The following SNTB1 variants were observed in gnomAD, a reference collection of about 807,000 sequenced individuals.
SNTB1 encodes beta-1-syntrophin.
SNTB1 carries 36 observed loss-of-function variants against 48.9 expected under a neutral mutation model. The observed-to-expected ratio is 0.74, with a 90% CI of 0.56 to 0.97. SNTB1 has a LOEUF of 0.97. Among genes scored for constraint, SNTB1 ranks in the 50% least tolerant of loss-of-function variants. SNTB1 has a pLI of 0.00. For synonymous variants in SNTB1, 299 were observed against 294.6 expected, an observed-to-expected ratio of 1.01 and a Z score of -0.15; for missense variants, 786 against 703.4, an observed-to-expected ratio of 1.12 and a Z score of -1.33.
chr8:120,811,148 A>T (rs1346054234), intron 1 of SNTB1, 125 bp downstream of exon 1: 32 of 1,267,958 alleles, frequency 2.5e-5, no homozygotes, highest in Non-Finnish European at 3.1e-5. Context: ...CCCCCAACAC[A>T]CACACACCCG....
chr8:120,635,150 G>C (rs1378073637), intron 2 of SNTB1, among the ~76,000 whole-genome samples: 1 of 152,094 alleles, frequency 6.6e-6, no homozygotes, highest in African/African-American at 2.4e-5. Context: ...GAATTCTTTA[G>C]GTGACAACTG....
At chr8:120,719,705 T>C (rs1818623821) in intron 1 of SNTB1, among the ~76,000 whole-genome samples, 1 of 152,016 alleles carries the variant, frequency 6.6e-6, no homozygotes. Context: ...GGTGGTTTAT[T>C]TGAGAGGTGA....
chr8:120,648,955 G>A (rs1309357151), intron 2 of SNTB1, among the ~76,000 whole-genome samples: 2 of 150,290 alleles, frequency 1.3e-5, no homozygotes, highest in South Asian at 2.1e-4. Context: ...CCAGTTGATC[G>A]CATCGGCTCC....
chr8:120,793,543 C>T (rs1447504018), intron 1 of SNTB1, among the ~76,000 whole-genome samples: 2 of 151,992 alleles, frequency 1.3e-5, no homozygotes, highest in Admixed American at 1.3e-4. Flanking sequence ...TATCAGGATA[C>T]AATCTATGAA....
At chr8:120,544,105 T>C in intron 5 of SNTB1, among the ~76,000 whole-genome samples, 1 of 152,170 alleles carries the variant, frequency 6.6e-6, no homozygotes, top group East Asian at 1.9e-4. Flanking sequence ...TTGATACTCT[T>C]CATTTCTACA....
At chr8:120,719,743 G>A (rs1186338667) in intron 1 of SNTB1, among the ~76,000 whole-genome samples, 1 of 152,144 alleles carries the variant, frequency 6.6e-6, no homozygotes, top group Non-Finnish European at 1.5e-5. Context: ...CAGGATGTAG[G>A]GAAAGAGAGA....
At chr8:120,687,928 G>A (rs1818059310) in intron 2 of SNTB1, among the ~76,000 whole-genome samples, 1 of 152,182 alleles carries the variant, frequency 6.6e-6, no homozygotes, top group African/African-American at 2.4e-5. Context: ...ATCTTCTGTG[G>A]CTGAAACTCA....
intron 3 of SNTB1, among the ~76,000 whole-genome samples, chr8:120,620,148 A>T (rs1458019756): frequency 6.6e-6 from 1 of 152,110 alleles, no homozygotes; most frequent in East Asian, 1.9e-4. Flanking sequence ...GCCTCTATAC[A>T]AACTCCATTC....
At chr8:120,781,435 A>G (rs1030254381) in intron 1 of SNTB1, among the ~76,000 whole-genome samples, 2 of 152,236 alleles carry the variant, frequency 1.3e-5, no homozygotes, top group African/African-American at 4.8e-5. Context: ...AAAAAGAACC[A>G]TGAAAACTAT....
At chr8:120,659,709 A>G (rs890538126) in intron 2 of SNTB1, among the ~76,000 whole-genome samples, 4 of 152,218 alleles carry the variant, frequency 2.6e-5, no homozygotes, top group Admixed American at 6.5e-5. Flanking sequence ...TATTTAAGAA[A>G]TATATCTGCC....
chr8:120,551,725 CAAAAAA>C lies in SNTB1; in HGVS notation c.1137-2773_1137-2768del, dbSNP rs764008790. On this transcript the variant is annotated intron_variant, in intron 4 of 6. Coordinates refer to ENST00000517992, the MANE Select transcript of SNTB1 (RefSeq NM_021021.4). ...TGAGCGACAGAGTGAGACTCCATCT[CAAAAAA>C]AAAAAAAAAAAAAAAAAAGTAAGGT... Among the ~76,000 whole-genome samples, 414 of 42,824 alleles carry C rather than the reference CAAAAAA, an allele frequency of 9.7e-3. 10 individuals carry two copies. In the East Asian group the frequency reaches 0.14, roughly 15 times the overall value. 28.1% of individuals were successfully genotyped at this position (42,824 alleles called of 152,430 possible).
intron 1 of SNTB1, among the ~76,000 whole-genome samples, chr8:120,701,095 G>A (rs890818592): frequency 6.6e-6 from 1 of 152,136 alleles, no homozygotes; most frequent in African/African-American, 2.4e-5. Flanking sequence ...AGTGGGAATT[G>A]CCAACAAAAT....
intron 2 of SNTB1, among the ~76,000 whole-genome samples, chr8:120,649,467 G>A (rs1273497746): frequency 7.0e-6 from 1 of 142,060 alleles, no homozygotes; most frequent in East Asian, 2.0e-4. Context: ...GTGCCTCCCA[G>A]TTAGGCTGCT....
chr8:120,604,915 T>C (rs1448650611), intron 3 of SNTB1, among the ~76,000 whole-genome samples: 1 of 152,230 alleles, frequency 6.6e-6, no homozygotes, highest in Non-Finnish European at 1.5e-5. Context: ...CTTCAAGCCA[T>C]TGATGTTTCA....
chr8:120,607,533 T>C (rs1316941809), intron 3 of SNTB1, among the ~76,000 whole-genome samples: 1 of 152,200 alleles, frequency 6.6e-6, no homozygotes, highest in Non-Finnish European at 1.5e-5. Flanking sequence ...ATTAGGTATA[T>C]CTTCTAATGT....
At chr8:120,703,914 T>C (rs1818343767) in intron 1 of SNTB1, among the ~76,000 whole-genome samples, 1 of 152,214 alleles carries the variant, frequency 6.6e-6, no homozygotes, top group Non-Finnish European at 1.5e-5. Context: ...GGCATACTAT[T>C]ACGCCTACCT....
chr8:120,546,509 CTT>C (rs1277780159), intron 5 of SNTB1, among the ~76,000 whole-genome samples: 1 of 152,150 alleles, frequency 6.6e-6, no homozygotes, highest in Admixed American at 6.5e-5. Flanking sequence ...CAGTCTCACT[CTT>C]TTCACTCAGT....
At position 120,690,245 on chromosome 8, in the gene SNTB1, T is replaced by C. The variant is rs568544445; in HGVS notation, c.788+3447A>G. On this transcript the variant is annotated intron_variant, in intron 2 of 6. Coordinates refer to ENST00000517992, the MANE Select transcript of SNTB1 (RefSeq NM_021021.4). ...GTATGTATGTATAGGAAAAACACAG[T>C]TATAGAGGAGTCAGTACTATCCATG... Among the ~76,000 whole-genome samples, 10 of 152,230 alleles carry C rather than the reference T, an allele frequency of 6.6e-5. No individual in the cohort carries two copies. In the South Asian group the frequency reaches 1.5e-3, roughly 22 times the overall value.
At chr8:120,672,080 A>G (rs375696966) in intron 2 of SNTB1, among the ~76,000 whole-genome samples, 7 of 152,318 alleles carry the variant, frequency 4.6e-5, no homozygotes, top group African/African-American at 1.7e-4. Context: ...TGAGATATTC[A>G]ATACTTTATT....
Sources: allele counts gnomAD v4.1 joint callset (sites outside exome capture counted in the v4.1 genomes callset), GRCh38; gene constraint gnomAD v4.1.1; transcripts MANE v1.5; gene names NCBI Gene and HGNC (gene_info 2026-07-23, HGNC 2026-07-21).